Variants in B3GALT1 observed in about 807,000 individuals in gnomAD.
B3GALT1 encodes UDP-Gal:betaGlcNAc beta 1,3-galactosyltransferase, polypeptide 1.
B3GALT1 carries 10 observed loss-of-function variants against 23.2 expected under a neutral mutation model. That is an observed-to-expected ratio of 0.43 (90% CI 0.27 to 0.73). B3GALT1 has a LOEUF of 0.73. B3GALT1 is among the 30% of genes least tolerant of loss of function. The pLI is 0.21. For synonymous variants in B3GALT1, 156 were observed against 141.5 expected (o/e 1.10, Z -0.73); for missense variants, 299 against 405.4 (o/e 0.74, Z 2.25).
chr2:167,663,407 G>T (rs1033778454), intron 3 of B3GALT1, among the ~76,000 whole-genome samples: 7 of 151,850 alleles, frequency 4.6e-5, no homozygotes, highest in African/African-American at 1.7e-4. Flanking sequence ...TGTGAATAAT[G>T]CCGCAATAAA....
intron 1 of B3GALT1, among the ~76,000 whole-genome samples, chr2:167,439,337 A>G (rs1434456820): frequency 6.6e-6 from 1 of 152,148 alleles, no homozygotes; most frequent in African/African-American, 2.4e-5. Flanking sequence ...CCTATTTTTC[A>G]CATCAATATT....
intron 2 of B3GALT1, among the ~76,000 whole-genome samples, chr2:167,522,647 A>G (rs997532127): frequency 6.6e-6 from 1 of 152,184 alleles, no homozygotes; most frequent in African/African-American, 2.4e-5. Flanking sequence ...AGCAACTTTT[A>G]GATTTCTTTC....
At chr2:167,515,322 A>G (rs990138712) in intron 2 of B3GALT1, among the ~76,000 whole-genome samples, 7 of 152,146 alleles carry the variant, frequency 4.6e-5, no homozygotes, top group African/African-American at 7.2e-5. Flanking sequence ...TACATTCACT[A>G]TGCTTAAGGC....
At position 167,773,007 on chromosome 2, in the gene B3GALT1, C is replaced by G. The variant is rs962311876; in HGVS notation, c.-351-45665C>G. Among the ~76,000 whole-genome samples, 3 of 152,106 alleles carry G rather than the reference C, an allele frequency of 2.0e-5. No homozygotes were observed. In the East Asian group the frequency reaches 5.8e-4, roughly 29 times the overall value. ...GGCTTCATAAGGAAAGGAAAATATC[C>G]TATTAATTGTGGCACATTGCATTAC... is the stretch of plus-strand genomic sequence containing the variant. On this transcript the variant is annotated intron_variant, in intron 3 of 4. Coordinates refer to ENST00000392690, the MANE Select transcript of B3GALT1 (RefSeq NM_020981.4).
chr2:167,562,275 C>G (rs546792062), intron 2 of B3GALT1, among the ~76,000 whole-genome samples: 1 of 152,208 alleles, frequency 6.6e-6, no homozygotes, highest in Non-Finnish European at 1.5e-5. Context: ...GCTAAAAACT[C>G]TCAATACATT....
At chr2:167,633,864 C>G (rs1182670207) in intron 2 of B3GALT1, among the ~76,000 whole-genome samples, 2 of 152,132 alleles carry the variant, frequency 1.3e-5, no homozygotes, top group Non-Finnish European at 2.9e-5. Context: ...ATCTACAGAA[C>G]TCTCCACCTC....
intron 2 of B3GALT1, among the ~76,000 whole-genome samples, chr2:167,542,131 A>G (rs1683543130): frequency 6.7e-6 from 1 of 150,062 alleles, no homozygotes; most frequent in South Asian, 2.1e-4. Flanking sequence ...CACATATTTT[A>G]TATATTTTTT....
intron 1 of B3GALT1, among the ~76,000 whole-genome samples, chr2:167,479,114 G>T (rs1217118413): frequency 6.6e-6 from 1 of 151,810 alleles, no homozygotes; most frequent in Non-Finnish European, 1.5e-5. Flanking sequence ...TAAAAGAAAT[G>T]CTGTTTACTA....
intron 4 of B3GALT1, among the ~76,000 whole-genome samples, chr2:167,863,434 G>C (rs971081748): frequency 1.3e-5 from 2 of 152,152 alleles, no homozygotes; most frequent in African/African-American, 4.8e-5. Context: ...TTCCCCGGAA[G>C]CTCAGATGAT....
At chr2:167,502,931 C>T (rs1006285993) in intron 2 of B3GALT1, among the ~76,000 whole-genome samples, 19 of 152,048 alleles carry the variant, frequency 1.2e-4, no homozygotes, top group Middle Eastern at 6.8e-3. Flanking sequence ...CTCAGCTACT[C>T]GGGAGGCTGA....
At chr2:167,682,037 C>G (rs948527147) in intron 3 of B3GALT1, among the ~76,000 whole-genome samples, 1 of 152,074 alleles carries the variant, frequency 6.6e-6, no homozygotes, top group African/African-American at 2.4e-5. Context: ...TGTTTTTGCT[C>G]CTTGCCTTTC....
intron 2 of B3GALT1, among the ~76,000 whole-genome samples, chr2:167,527,968 A>C (rs918806574): frequency 1.3e-5 from 2 of 152,106 alleles, no homozygotes; most frequent in Non-Finnish European, 2.9e-5. Flanking sequence ...TTGATTTTGG[A>C]TGAGGGAAGA....
At chr2:167,704,415 C>G (rs183449379) in intron 3 of B3GALT1, among the ~76,000 whole-genome samples, 164 of 151,966 alleles carry the variant, frequency 1.1e-3, no homozygotes, top group African/African-American at 3.7e-3. Flanking sequence ...ACTAACACTC[C>G]CTAGAGATCA....
intron 1 of B3GALT1, among the ~76,000 whole-genome samples, chr2:167,334,224 A>G (rs951924535): frequency 2.0e-5 from 3 of 152,238 alleles, no homozygotes; most frequent in African/African-American, 4.8e-5. Flanking sequence ...GAACTTAATG[A>G]TAGCATGGAC....
chr2:167,342,764 A>C (rs1057066903), intron 1 of B3GALT1, among the ~76,000 whole-genome samples: 3 of 151,996 alleles, frequency 2.0e-5, no homozygotes, highest in Non-Finnish European at 4.4e-5. Flanking sequence ...TTCCGTGTAC[A>C]TGGCCTGGTA....
intron 4 of B3GALT1, among the ~76,000 whole-genome samples, chr2:167,833,923 CT>C (rs1689402154): frequency 6.6e-6 from 1 of 152,040 alleles, no homozygotes; most frequent in Non-Finnish European, 1.5e-5. Context: ...ATCTCTAAGA[CT>C]ACTTCCAACG....
At chr2:167,780,426 CAA>C (rs1353796310) in intron 3 of B3GALT1, among the ~76,000 whole-genome samples, 4 of 152,156 alleles carry the variant, frequency 2.6e-5, no homozygotes, top group East Asian at 3.9e-4. Context: ...AACTCACTAA[CAA>C]AGAGAAGACA....
At chr2:167,632,307 C>T (rs1209739560) in intron 2 of B3GALT1, among the ~76,000 whole-genome samples, 1 of 152,042 alleles carries the variant, frequency 6.6e-6, no homozygotes, top group Non-Finnish European at 1.5e-5. Context: ...CAGGTATATA[C>T]CCAGTGATGG....
chr2:167,844,640 G>A (rs1188508843), intron 4 of B3GALT1, among the ~76,000 whole-genome samples: 2 of 152,232 alleles, frequency 1.3e-5, no homozygotes, highest in Admixed American at 6.5e-5. Context: ...GGCACCACAA[G>A]GATCCGTCGA....
Sources: allele counts gnomAD v4.1 joint callset (sites outside exome capture counted in the v4.1 genomes callset), GRCh38; gene constraint gnomAD v4.1.1; transcripts MANE v1.5; gene names NCBI Gene and HGNC (gene_info 2026-07-23, HGNC 2026-07-21).